RNF213: variants seen among roughly 807,000 people sequenced by gnomAD.
RNF213 encodes E3 ubiquitin-protein ligase RNF213.
A neutral mutation model predicts 514.4 loss-of-function variants in RNF213; 341 were observed. The ratio of observed to expected loss-of-function variants is 0.66; its 90% confidence interval spans 0.61 to 0.73. The LOEUF (loss-of-function observed/expected upper bound fraction) is 0.73, where lower values mean the gene tolerates loss of function less well. Among genes scored for constraint, RNF213 ranks in the 30% least tolerant of loss-of-function variants. The pLI is 0.00. For missense variants in RNF213, 5,767 were observed against 6,615.6 expected (o/e 0.87, Z 4.45); for synonymous variants, 2,655 against 2,658.2 (o/e 1.00, Z 0.04).
intron 64 of RNF213, 179 bp downstream of exon 64, chr17:80,388,868 A>G: frequency 1.5e-6 from 1 of 664,156 alleles, no homozygotes; most frequent in Non-Finnish European, 2.7e-6. Flanking sequence ...GTAGAGTAAA[A>G]GCAGATTGAC....
In RNF213 at chr17:80,325,149, A is replaced by G; in HGVS notation, c.3144A>G (p.Leu1048=). 1 of 1,537,070 alleles carries G rather than the reference A, an allele frequency of 6.5e-7. No individual in the cohort carries two copies. The highest frequency in any genetic ancestry group is 8.7e-7 in the Non-Finnish European group (1 of 1,146,768). Residue 1048 remains leucine, a synonymous_variant, in exon 18 of 68, where the codon TTA becomes TTG. Transcript: ENST00000582970. The part of the protein sequence containing the change: ...PRTADNFDDI[L]KHLLTLADVK... ...CCGCGGACAACTTCGATGACATTTT[A>G]AAGCATCTGCTCACGTTGGCAGATG...
rs1383597749 is a variant in RNF213, at chr17:80,394,879, C to T, written c.*1381C>T. On this transcript the variant is annotated 3_prime_UTR_variant, in exon 68 of 68. Transcript: ENST00000582970. ...TTAGTCATCTGTGATTGTTTTATCA[C>T]TCTGGACTGTGCAGAGCCACCTGCC... The T allele has an allele frequency of 6.6e-6, 1 of 152,202 alleles. No homozygotes were observed. 9.4% of individuals were successfully genotyped at this position (152,202 alleles called of 1,614,324 possible).
chr17:80,388,909 T>C (rs1364861559), intron 64 of RNF213: 2 of 629,000 alleles, frequency 3.2e-6, no homozygotes, highest in South Asian at 1.8e-5. Context: ...AGGAATGATG[T>C]TGATGCATGG....
intron 32 of RNF213, 71 bp downstream of exon 32, chr17:80,351,874 G>A: frequency 1.1e-6 from 1 of 883,484 alleles, no homozygotes; most frequent in Non-Finnish European, 1.8e-6. Flanking sequence ...TTTATTTTTT[G>A]AGATGGAGTC....
Position 80,309,063 on chromosome 17 carries a change from G to C in RNF213, c.2547G>C (p.Leu849=), listed in dbSNP as rs149636223. 6.2e-7 allele frequency: 1 copy of C among 1,614,076 alleles called. No homozygotes were observed. The highest frequency in any genetic ancestry group is 1.3e-5 in the African/African-American group (1 of 74,924). ...ALSPSYLTVC[L]KLHEAICSST... is the part of the protein sequence containing the mutation. Reference sequence around the variant, plus strand: ...CACCATCCTACCTGACTGTGTGTCTGAAACTGCATGAAGCCATCTGCAGCA... The same window carrying C: ...CACCATCCTACCTGACTGTGTGTCTCAAACTGCATGAAGCCATCTGCAGCA... The change falls in exon 14 of 68, where the codon CTG becomes CTC. Residue 849 remains leucine, a synonymous_variant. Transcript: ENST00000582970.
At chr17:80,304,887 T>C (rs1042391186) in intron 11 of RNF213, among the ~76,000 whole-genome samples, 4 of 152,128 alleles carry the variant, frequency 2.6e-5, no homozygotes, top group Non-Finnish European at 5.9e-5. Context: ...CCCCTCCTCC[T>C]GGTAACCACT....
chr17:80,354,943 C>T (rs536347305), intron 36 of RNF213: 163 of 363,072 alleles, frequency 4.5e-4, no homozygotes, highest in South Asian at 3.1e-3. Flanking sequence ...AGGGGACAGG[C>T]GGGATTTTCC....
At position 80,354,744 on chromosome 17, in the gene RNF213, C is replaced by A. The variant is rs899346190; in HGVS notation, c.10862+168C>A. 3.2e-5 allele frequency: 26 copies of A among 811,224 alleles called. No individual in the cohort carries two copies. The African/African-American group carries it at 4.3e-4, about 13-fold the overall frequency. The allele number at this position is 811,224 out of a possible 1,614,324, so 50.3% of individuals were successfully genotyped here. Reference sequence around the variant, plus strand: ...TTTCCCCAAGAAGCACACAGTAGGTCTGGACAGTGGCCAAATGGCAGGTGC... The same window carrying A: ...TTTCCCCAAGAAGCACACAGTAGGTATGGACAGTGGCCAAATGGCAGGTGC... On this transcript the variant is annotated intron_variant, in intron 36 of 67. Transcript: ENST00000582970.
chr17:80,313,158 G>A lies in RNF213; in HGVS notation c.2802G>A (p.Lys934=), dbSNP rs777067885. 8.7e-6 allele frequency: 14 copies of A among 1,614,126 alleles called. No individual in the cohort carries two copies. The highest frequency in any genetic ancestry group is 2.2e-5 in the East Asian group (1 of 44,892). Residue 934 remains lysine (K), a synonymous_variant, in exon 15 of 68, where the codon AAG becomes AAA. Coordinates refer to ENST00000582970, the MANE Select transcript of RNF213 (RefSeq NM_001256071.3). The part of the protein sequence containing the change: ...TSSGASFTYV[K]EIEVWRRLVE... ...CAGGTGCCTCATTCACATACGTCAA[G>A]GAAATTGAGGTAGGCATTTGGCCGA...
In RNF213 at chr17:80,295,873, C is replaced by T. The variant is rs2044923931; in HGVS notation, c.2012+60C>T. Reference sequence around the variant, plus strand: ...CTATTATAATGATTTTCTCTGATTGCAAAAATAAGTGCTTGACTAGAGTGA... The same window carrying T: ...CTATTATAATGATTTTCTCTGATTGTAAAAATAAGTGCTTGACTAGAGTGA... On this transcript the variant is annotated intron_variant, in intron 10 of 67. Coordinates refer to ENST00000582970, the MANE Select transcript of RNF213 (RefSeq NM_001256071.3). 5.7e-6 allele frequency: 9 copies of T among 1,583,072 alleles called. No individual in the cohort carries two copies. The South Asian group carries it at 8.9e-5, about 16-fold the overall frequency.
Position 80,288,159 on chromosome 17 carries a change from G to C in RNF213, c.606G>C (p.Gly202=), listed in dbSNP as rs1301539852. ...CGCAATTCCAGGACCACACGGAAGG[G>C]GAGGACCAGGACGCTTCCATCCCCT... ...SSPQFQDHTE[G]EDQDASIPSG... The change falls in exon 4 of 68, where the codon GGG becomes GGC. Residue 202 remains glycine, a synonymous_variant. Coordinates refer to ENST00000582970, the MANE Select transcript of RNF213 (RefSeq NM_001256071.3). The surrounding 1 kb of genome is among the most constrained non-coding windows in gnomAD (Gnocchi z 4.9). 7 of 1,611,220 alleles carry C rather than the reference G, an allele frequency of 4.3e-6. No individual in the cohort carries two copies. The highest frequency in any genetic ancestry group is 5.9e-6 in the Non-Finnish European group (7 of 1,178,322).
intron 15 of RNF213, chr17:80,316,047 G>A (rs2045938634): frequency 6.6e-6 from 1 of 152,112 alleles, no homozygotes; most frequent in Non-Finnish European, 1.5e-5. Context: ...TAATGGTGGT[G>A]GTGGAGGTGA....
intron 11 of RNF213, among the ~76,000 whole-genome samples, chr17:80,299,304 T>C (rs530291664): frequency 2.7e-4 from 41 of 152,294 alleles, no homozygotes; most frequent in Admixed American, 2.7e-3. Flanking sequence ...CAGTTTCGTT[T>C]TTTCAGCGTG....
chr17:80,369,494 G>A lies in RNF213; in HGVS notation c.12156-8G>A, dbSNP rs772246712. 5.6e-6 allele frequency: 9 copies of A among 1,612,694 alleles called. No individual in the cohort carries two copies. Among genetic ancestry groups the A allele is most frequent in the Non-Finnish European group, 6.8e-6 (8 of 1,179,918 alleles). ...CATCCACCTGTCTTCTGTTTCTCGT[G>A]TTCTAAGGGAAGCCATTGAAAAGCA... is the stretch of plus-strand genomic sequence containing the variant. On this transcript the variant is annotated splice_region_variant and splice_polypyrimidine_tract_variant and intron_variant, in intron 44 of 67. Coordinates refer to ENST00000582970, the MANE Select transcript of RNF213 (RefSeq NM_001256071.3).
chr17:80,392,474 G>A (rs1015381865), intron 67 of RNF213, among the ~76,000 whole-genome samples: 6 of 152,188 alleles, frequency 3.9e-5, no homozygotes, highest in East Asian at 1.9e-4. Context: ...GGCTTGCTCC[G>A]TGGGCTTCTG....
At position 80,305,531 on chromosome 17, in the gene RNF213, C is replaced by T. The variant is rs115983589; in HGVS notation, c.2211-721C>T. On this transcript the variant is annotated intron_variant, in intron 11 of 67. Coordinates refer to ENST00000582970, the MANE Select transcript of RNF213 (RefSeq NM_001256071.3). ...TGCTCCTTGTAGAACAGGGCTACCC[C>T]ATAGGAGCATGCCCAGAATGGCCAG... Among the ~76,000 whole-genome samples the T allele has an allele frequency of 5.9e-3, 890 of 151,994 alleles. 10 individuals are homozygous for T. The highest frequency in any genetic ancestry group is 0.021 in the African/African-American group (864 of 41,484).
chr17:80,295,040 C>T, intron 9 of RNF213, 37 bp downstream of exon 9: 1 of 1,611,708 alleles, frequency 6.2e-7, no homozygotes. Flanking sequence ...ACCTGCTGGG[C>T]AGGAGCCACA....
At chr17:80,388,970 C>T (rs184653933) in intron 64 of RNF213, 18 of 627,800 alleles carry the variant, frequency 2.9e-5, no homozygotes, top group Non-Finnish European at 4.0e-5. Context: ...TCCTGCTCTC[C>T]GCATGCGGGT....
At chr17:80,275,549 G>A (rs1232617137) in intron 3 of RNF213, among the ~76,000 whole-genome samples, 1 of 152,138 alleles carries the variant, frequency 6.6e-6, no homozygotes, top group Admixed American at 6.5e-5. Flanking sequence ...GGACGCACTC[G>A]AAAAAGACCT....
Sources: gnomAD v4.1 joint callset for allele counts (sites outside exome capture counted in the v4.1 genomes callset) on GRCh38, gnomAD v4.1.1 for gene constraint, Gnocchi (gnomAD v3.1) non-coding constraint, MANE v1.5 for transcripts, NCBI Gene and HGNC (gene_info 2026-07-23, HGNC 2026-07-21) for gene names.